ST3GAL4: variants seen among roughly 807,000 people sequenced by gnomAD.
The protein encoded by ST3GAL4 is ST3 beta-galactoside alpha-2,3-sialyltransferase 4, also known as CMP-N-acetylneuraminate-beta-galactosamide-alpha-2,3-sialyltransferase 4.
In ST3GAL4, 24 loss-of-function variants were observed where a neutral mutation model predicts 42.6. That is an observed-to-expected ratio of 0.56 (90% confidence interval 0.41 to 0.79). ST3GAL4 has a LOEUF of 0.79. Among genes scored for constraint, ST3GAL4 ranks in the 30% least tolerant of loss-of-function variants. ST3GAL4 has a pLI of 0.00. For missense variants in ST3GAL4, 311 were observed against 430.8 expected, an observed-to-expected ratio of 0.72 and a Z score of 2.46; for synonymous variants, 135 against 163.2, an observed-to-expected ratio of 0.83 and a Z score of 1.32.
Position 126,398,621 on chromosome 11 carries a change from G to C in ST3GAL4, c.-60-7475G>C, listed in dbSNP as rs940401052. On this transcript the variant is annotated intron_variant, in intron 1 of 10. Coordinates refer to ENST00000444328, the MANE Select transcript of ST3GAL4 (RefSeq NM_001254757.2). This position sits in a 1 kb window ranked among gnomAD's most constrained non-coding sequence, Gnocchi z 4.7. ...GCAGCTCAGACTCCACAGTTCTGCT[G>C]GGCATTGCCCTACAGGGGCTCCCTG... 1.3e-5 allele frequency among the ~76,000 whole-genome samples: 2 copies of C among 152,242 alleles called. No individual in the cohort carries two copies. Among genetic ancestry groups the C allele is most frequent in the Non-Finnish European group, 2.9e-5 (2 of 68,040 alleles).
chr11:126,380,391 A>T (rs999810538), intron 1 of ST3GAL4, among the ~76,000 whole-genome samples: 1 of 152,186 alleles, frequency 6.6e-6, no homozygotes, highest in African/African-American at 2.4e-5. Flanking sequence ...ACCTTGCAGT[A>T]TTGAGTCACA....
intron 1 of ST3GAL4, among the ~76,000 whole-genome samples, chr11:126,402,498 GAGTA>G (rs1954051387): frequency 6.6e-6 from 1 of 150,970 alleles, no homozygotes; most frequent in South Asian, 2.1e-4. Context: ...AGGACAGTAA[GAGTA>G]AGTGGTCGCT....
intron 1 of ST3GAL4, among the ~76,000 whole-genome samples, chr11:126,360,555 C>T (rs908931114): frequency 6.6e-6 from 1 of 152,170 alleles, no homozygotes; most frequent in African/African-American, 2.4e-5. Flanking sequence ...TCCTGAGTAG[C>T]TGAGATTACA....
rs367775095 is a variant in ST3GAL4 at position 126,407,363 on chromosome 11, C to G, written c.280+14C>G. On this transcript the variant is annotated intron_variant, in intron 5 of 10. Coordinates refer to ENST00000444328, the MANE Select transcript of ST3GAL4 (RefSeq NM_001254757.2). The stretch of plus-strand genomic sequence containing the variant: ...CCAAGGGGAGTGGTAAGTTCCTACC[C>G]GGCTCGTGGGAACCATGGGCTCACC... The G allele has an allele frequency of 5.6e-5, 90 of 1,612,238 alleles. No individual in the cohort carries two copies. The highest frequency in any genetic ancestry group is 7.6e-5 in the Non-Finnish European group (89 of 1,178,392).
At chr11:126,388,660 G>GTTTTTTTTTTTTTTTTTTT (rs10599019) in intron 1 of ST3GAL4, among the ~76,000 whole-genome samples, 1 of 79,284 alleles carries the variant, frequency 1.3e-5, no homozygotes, top group African/African-American at 5.4e-5. Flanking sequence ...TAGGTTTCTT[G>GTTTTTTTTTTTTTTTTTTT]TTTTTTTTTT....
rs745975801 is a variant in ST3GAL4 at position 126,413,587 on chromosome 11, A to T, written c.854A>T (p.Asp285Val). 6.2e-6 allele frequency: 10 copies of T among 1,614,110 alleles called. No homozygotes were observed. The highest frequency in any genetic ancestry group is 3.3e-5 in the Admixed American group (2 of 60,012). ...LVHIAGFGYP[D>V]AYNKKQTIHY... ...CACATTGCCGGCTTTGGCTACCCAGACGCCTACAACAAGAAGCAGACCATT... is the reference window on the plus strand; with the variant it reads ...CACATTGCCGGCTTTGGCTACCCAGTCGCCTACAACAAGAAGCAGACCATT... The change falls in exon 10 of 11, where the codon GAC (aspartate) becomes GTC (valine). Residue 285 changes from aspartate to valine, a missense_variant. By Grantham distance (152) the Asp-to-Val change is radical. Transcript: ENST00000444328.
At chr11:126,371,757 C>T (rs538411920) in intron 1 of ST3GAL4, among the ~76,000 whole-genome samples, 3 of 152,164 alleles carry the variant, frequency 2.0e-5, no homozygotes, top group Admixed American at 6.5e-5. Context: ...TGGGGTGTCC[C>T]GTACAAGGGA....
In ST3GAL4 at chr11:126,397,806, T is replaced by C. The variant is rs992135020; in HGVS notation, c.-60-8290T>C. Reference sequence around the variant, plus strand: ...AGAGAGAGAGCAGGAAGGGGCCTAATTGTCCTTTTATAAGGAACCCACTCC... The same window carrying C: ...AGAGAGAGAGCAGGAAGGGGCCTAACTGTCCTTTTATAAGGAACCCACTCC... On this transcript the variant is annotated intron_variant, in intron 1 of 10. Coordinates refer to ENST00000444328, the MANE Select transcript of ST3GAL4 (RefSeq NM_001254757.2). This position sits in a 1 kb window ranked among gnomAD's most constrained non-coding sequence, Gnocchi z 5.0. Among the ~76,000 whole-genome samples the C allele has an allele frequency of 6.6e-6, 1 of 152,192 alleles. No homozygotes were observed. Among genetic ancestry groups the C allele is most frequent in the African/African-American group, 2.4e-5 (1 of 41,448 alleles).
intron 1 of ST3GAL4, chr11:126,405,668 G>A: frequency 4.8e-6 from 1 of 209,090 alleles, no homozygotes; most frequent in Non-Finnish European, 9.8e-6. Context: ...GTGACCCTCT[G>A]TTGGGTAAAA....
Position 126,397,614 on chromosome 11 carries a change from T to C in ST3GAL4, c.-60-8482T>C, listed in dbSNP as rs1452732221. On this transcript the variant is annotated intron_variant, in intron 1 of 10. Coordinates refer to ENST00000444328, the MANE Select transcript of ST3GAL4 (RefSeq NM_001254757.2). The surrounding 1 kb of genome is among the most constrained non-coding windows in gnomAD (Gnocchi z 5.0). ...GGATGTGGAGGGTTAGGATGTTATC[T>C]TAGTCTGTTTTGTGCTGCCATTACC... Among the ~76,000 whole-genome samples, 1 of 152,186 alleles carries C rather than the reference T, an allele frequency of 6.6e-6. No homozygotes were observed. The highest frequency in any genetic ancestry group is 1.5e-5 in the Non-Finnish European group (1 of 68,034).
intron 1 of ST3GAL4, among the ~76,000 whole-genome samples, chr11:126,357,818 C>T (rs1030523211): frequency 3.9e-5 from 6 of 152,232 alleles, no homozygotes; most frequent in Non-Finnish European, 8.8e-5. Flanking sequence ...CTGGGTCTCT[C>T]CTCAGAGAGG....
intron 1 of ST3GAL4, among the ~76,000 whole-genome samples, chr11:126,401,422 G>A (rs758838068): frequency 6.6e-6 from 1 of 152,006 alleles, no homozygotes. Context: ...ACAAAAATTA[G>A]CCAGGCATGG....
chr11:126,376,756 C>T lies in ST3GAL4; in HGVS notation c.-61+20914C>T, dbSNP rs1215625077. 6.6e-6 allele frequency: 1 copy of T among 152,210 alleles called. No homozygotes were observed. The highest frequency in any genetic ancestry group is 1.5e-5 in the Non-Finnish European group (1 of 68,048). 9.4% of individuals were successfully genotyped at this position (152,210 alleles called of 1,614,324 possible). On this transcript the variant is annotated intron_variant, in intron 1 of 10. Coordinates refer to ENST00000444328, the MANE Select transcript of ST3GAL4 (RefSeq NM_001254757.2). This position sits in a 1 kb window ranked among gnomAD's most constrained non-coding sequence, Gnocchi z 5.1. ...TGTGACTAGATGACACAGTATTACT[C>T]TCTGTTACCACCACCAATGTAGTCA...
intron 1 of ST3GAL4, among the ~76,000 whole-genome samples, chr11:126,403,825 T>G (rs887801827): frequency 2.0e-5 from 3 of 152,140 alleles, no homozygotes; most frequent in East Asian, 1.9e-4. Flanking sequence ...CTGGTTAGAA[T>G]GCAAATCCCC....
rs1953495612 is a variant in ST3GAL4, at chr11:126,391,083, C to T, written c.-60-15013C>T. The stretch of plus-strand genomic sequence containing the variant: ...ACCACATTTTGTGGATCCGTTCATC[C>T]ACTGATGGACGCTTGGGGGTTGCTT... On this transcript the variant is annotated intron_variant, in intron 1 of 10. Coordinates refer to ENST00000444328, the MANE Select transcript of ST3GAL4 (RefSeq NM_001254757.2). The surrounding 1 kb of genome is among the most constrained non-coding windows in gnomAD (Gnocchi z 5.5). Among the ~76,000 whole-genome samples the T allele has an allele frequency of 6.6e-6, 1 of 152,112 alleles. No individual in the cohort carries two copies. The highest frequency in any genetic ancestry group is 2.4e-5 in the African/African-American group (1 of 41,402).
At position 126,378,942 on chromosome 11, in the gene ST3GAL4, C is replaced by G. The variant is rs768723267; in HGVS notation, c.-61+23100C>G. On this transcript the variant is annotated intron_variant, in intron 1 of 10. Coordinates refer to ENST00000444328, the MANE Select transcript of ST3GAL4 (RefSeq NM_001254757.2). This position sits in a 1 kb window ranked among gnomAD's most constrained non-coding sequence, Gnocchi z 5.3. ...TTGAGTACAGAGGGATTCTGGAACA[C>G]TGCCCAGATTTGGCCCAGTTCCATT... 6.6e-6 allele frequency among the ~76,000 whole-genome samples: 1 copy of G among 152,196 alleles called. No homozygotes were observed. Among genetic ancestry groups the G allele is most frequent in the Non-Finnish European group, 1.5e-5 (1 of 68,042 alleles).
At chr11:126,369,771 G>A (rs554854756) in intron 1 of ST3GAL4, among the ~76,000 whole-genome samples, 49 of 152,108 alleles carry the variant, frequency 3.2e-4, no homozygotes, top group Non-Finnish European at 7.1e-4. Context: ...CAGTACAAAT[G>A]GGAATATGAG....
rs572328431 is a variant in ST3GAL4 at position 126,398,369 on chromosome 11, A to G, written c.-60-7727A>G. 2.0e-5 allele frequency among the ~76,000 whole-genome samples: 3 copies of G among 152,330 alleles called. No homozygotes were observed. Among genetic ancestry groups the G allele is most frequent in the Admixed American group, 1.3e-4 (2 of 15,302 alleles). On this transcript the variant is annotated intron_variant, in intron 1 of 10. Coordinates refer to ENST00000444328, the MANE Select transcript of ST3GAL4 (RefSeq NM_001254757.2). The surrounding 1 kb of genome is among the most constrained non-coding windows in gnomAD (Gnocchi z 4.7). ...CTTGACAATAATCTTCTTTGACTCC[A>G]TGTCCTGCCTTCCAGACACACTCGG...
chr11:126,356,711 C>T (rs1228151512), intron 1 of ST3GAL4, among the ~76,000 whole-genome samples: 1 of 152,250 alleles, frequency 6.6e-6, no homozygotes, highest in East Asian at 1.9e-4. Flanking sequence ...ACCTCATGGC[C>T]ACCCACAAGC....
Sources: gnomAD v4.1 joint callset for allele counts (sites outside exome capture counted in the v4.1 genomes callset) on GRCh38, gnomAD v4.1.1 for gene constraint, Gnocchi (gnomAD v3.1) non-coding constraint, MANE v1.5 for transcripts, NCBI Gene and HGNC (gene_info 2026-07-23, HGNC 2026-07-21) for gene names.